The following NCK2 variants were observed in gnomAD, a reference collection of about 807,000 sequenced individuals.
The protein encoded by NCK2 is cytoplasmic protein NCK2.
A neutral mutation model predicts 33.9 loss-of-function variants in NCK2; 16 were observed. The observed-to-expected ratio is 0.47, with a 90% CI of 0.32 to 0.72. The LOEUF (loss-of-function observed/expected upper bound fraction) is 0.72. NCK2 is among the 30% of genes least tolerant of loss of function. The pLI is 0.03. For missense variants in NCK2, 418 were observed against 537.3 expected, an observed-to-expected ratio of 0.78 and a Z score of 2.19; for synonymous variants, 273 against 239.9, an observed-to-expected ratio of 1.14 and a Z score of -1.27.
intron 1 of NCK2, among the ~76,000 whole-genome samples, chr2:105,768,513 G>A (rs547155850): frequency 7.2e-5 from 11 of 152,224 alleles, no homozygotes; most frequent in African/African-American, 2.6e-4. Context: ...CCTCACTTCA[G>A]GTTCCATAAT....
chr2:105,825,585 C>G (rs1444714966), intron 2 of NCK2, among the ~76,000 whole-genome samples: 1 of 152,130 alleles, frequency 6.6e-6, no homozygotes, highest in South Asian at 2.1e-4. Context: ...ATGGTGGGTT[C>G]CTGAAAAAGG....
At chr2:105,783,126 G>A (rs923273106) in intron 1 of NCK2, among the ~76,000 whole-genome samples, 5 of 152,176 alleles carry the variant, frequency 3.3e-5, no homozygotes, top group Admixed American at 6.5e-5. Flanking sequence ...CCTGGGAGGT[G>A]GTTTAACTTT....
At chr2:105,891,145 C>T (rs931918866) in intron 4 of NCK2, among the ~76,000 whole-genome samples, 4 of 152,254 alleles carry the variant, frequency 2.6e-5, no homozygotes, top group Admixed American at 1.3e-4. Context: ...TGAACTCACA[C>T]GCTACGCATA....
chr2:105,803,961 T>A (rs896638016), intron 1 of NCK2, among the ~76,000 whole-genome samples: 3 of 152,192 alleles, frequency 2.0e-5, no homozygotes, highest in African/African-American at 4.8e-5. Flanking sequence ...GCCTTGTGAG[T>A]TGTGAATCTG....
chr2:105,778,612 C>G (rs1037743335), intron 1 of NCK2, among the ~76,000 whole-genome samples: 16 of 152,292 alleles, frequency 1.1e-4, no homozygotes, highest in African/African-American at 3.8e-4. Flanking sequence ...CAAAGGTGCC[C>G]CTATTAACTG....
intron 1 of NCK2, among the ~76,000 whole-genome samples, chr2:105,753,879 T>G (rs888545354): frequency 2.0e-5 from 3 of 152,224 alleles, no homozygotes; most frequent in Non-Finnish European, 4.4e-5. Flanking sequence ...TCTGAGGTTG[T>G]GAGAGAGGCC....
intron 1 of NCK2, among the ~76,000 whole-genome samples, chr2:105,800,880 A>G (rs780761306): frequency 2.9e-4 from 44 of 152,216 alleles, no homozygotes; most frequent in Non-Finnish European, 5.0e-4. Context: ...TCCAAGCTCG[A>G]GGTTCCATGG....
intron 4 of NCK2, among the ~76,000 whole-genome samples, chr2:105,886,783 C>T (rs544640875): frequency 1.4e-4 from 22 of 152,340 alleles, no homozygotes; most frequent in African/African-American, 5.3e-4. Flanking sequence ...ATAGGGAGGG[C>T]TAACCACACA....
intron 1 of NCK2, among the ~76,000 whole-genome samples, chr2:105,813,553 C>A (rs911362048): frequency 6.6e-6 from 1 of 152,222 alleles, no homozygotes; most frequent in Non-Finnish European, 1.5e-5. Flanking sequence ...AGCCCAGGTG[C>A]AGCAGAAGAC....
At chr2:105,804,789 A>T (rs993230603) in intron 1 of NCK2, among the ~76,000 whole-genome samples, 3 of 152,214 alleles carry the variant, frequency 2.0e-5, no homozygotes, top group African/African-American at 7.2e-5. Flanking sequence ...TAGGTATGTT[A>T]TTATCTGTAT....
chr2:105,751,781 C>T (rs1456818216), intron 1 of NCK2, among the ~76,000 whole-genome samples: 2 of 152,054 alleles, frequency 1.3e-5, no homozygotes, highest in Non-Finnish European at 2.9e-5. Flanking sequence ...GAAAATGGTG[C>T]GTATGTGTGT....
At chr2:105,870,581 C>T (rs1677958740) in intron 3 of NCK2, among the ~76,000 whole-genome samples, 1 of 152,050 alleles carries the variant, frequency 6.6e-6, no homozygotes, top group African/African-American at 2.4e-5. Flanking sequence ...CATGGTTAAA[C>T]CCCGTCTCTA....
At chr2:105,874,762 A>G (rs574683551) in intron 3 of NCK2, among the ~76,000 whole-genome samples, 1 of 152,374 alleles carries the variant, frequency 6.6e-6, no homozygotes, top group African/African-American at 2.4e-5. Flanking sequence ...AAAGATTTTG[A>G]CTTTAAATTT....
chr2:105,870,572 A>G (rs1452574957), intron 3 of NCK2, among the ~76,000 whole-genome samples: 4 of 152,114 alleles, frequency 2.6e-5, no homozygotes, highest in African/African-American at 9.7e-5. Context: ...CCTGGCCAAC[A>G]TGGTTAAACC....
chr2:105,766,274 G>C (rs1197046999), intron 1 of NCK2, among the ~76,000 whole-genome samples: 1 of 152,064 alleles, frequency 6.6e-6, no homozygotes, highest in Non-Finnish European at 1.5e-5. Context: ...TGGAAGGTGG[G>C]GAGAACCTGA....
intron 2 of NCK2, among the ~76,000 whole-genome samples, chr2:105,828,931 A>G (rs1676060725): frequency 6.6e-6 from 1 of 152,188 alleles, no homozygotes. Flanking sequence ...CTTTCCCAAA[A>G]TAGGCATTAT....
At chr2:105,799,285 C>A (rs1048215113) in intron 1 of NCK2, among the ~76,000 whole-genome samples, 2 of 150,730 alleles carry the variant, frequency 1.3e-5, no homozygotes, top group African/African-American at 2.4e-5. Flanking sequence ...AAAAAAAGTT[C>A]TTCCTTCAGG....
chr2:105,773,900 T>C (rs1690216233), intron 1 of NCK2, among the ~76,000 whole-genome samples: 1 of 152,170 alleles, frequency 6.6e-6, no homozygotes, highest in African/African-American at 2.4e-5. Context: ...ACTGTTTTTA[T>C]TTGCCTTAAA....
intron 1 of NCK2, among the ~76,000 whole-genome samples, chr2:105,801,582 TAGGGG>T (rs958662093): frequency 7.9e-5 from 12 of 151,864 alleles, no homozygotes; most frequent in African/African-American, 2.9e-4. Flanking sequence ...AAGCTGGAGT[TAGGGG>T]GAGGGATGGT....
Sources: allele counts gnomAD v4.1 joint callset (sites outside exome capture counted in the v4.1 genomes callset), GRCh38; gene constraint gnomAD v4.1.1; transcripts MANE v1.5; gene names NCBI Gene and HGNC (gene_info 2026-07-23, HGNC 2026-07-21).